EFCAB6: variants seen among roughly 807,000 people sequenced by gnomAD.
The protein encoded by EFCAB6 is EF-hand calcium binding domain 6.
Under a neutral mutation model 169.8 loss-of-function variants are expected in EFCAB6, and 156 were observed. The observed-to-expected ratio is 0.92, with a 90% CI of 0.81 to 1.05. The LOEUF is 1.05. EFCAB6 is among the 50% of genes least tolerant of loss of function. The pLI is 0.00. For missense variants in EFCAB6, 1,800 were observed against 1,829.1 expected (o/e 0.98, Z 0.29); for synonymous variants, 698 against 676.4 (o/e 1.03, Z -0.50).
intron 13 of EFCAB6, 131 bp downstream of exon 13, chr22:43,677,865 A>T: frequency 1.1e-6 from 1 of 932,060 alleles, no homozygotes; most frequent in Non-Finnish European, 1.6e-6. Context: ...ACCCTCACTT[A>T]AAATGATTGA....
At chr22:43,640,195 C>A (rs1352335428) in intron 17 of EFCAB6, among the ~76,000 whole-genome samples, 1 of 152,098 alleles carries the variant, frequency 6.6e-6, no homozygotes, top group Admixed American at 6.6e-5. Flanking sequence ...GGGGTTATAT[C>A]CTGGACATTG....
At chr22:43,647,372 T>G (rs1464628939) in intron 17 of EFCAB6, among the ~76,000 whole-genome samples, 1 of 152,198 alleles carries the variant, frequency 6.6e-6, no homozygotes, top group Non-Finnish European at 1.5e-5. Context: ...AATATATTTG[T>G]ATTGAAGAAG....
chr22:43,662,773 C>A (rs2057068815), intron 17 of EFCAB6, among the ~76,000 whole-genome samples: 1 of 152,216 alleles, frequency 6.6e-6, no homozygotes, highest in Non-Finnish European at 1.5e-5. Flanking sequence ...ACCCACCAAG[C>A]CAGAATTACT....
At chr22:43,696,209 A>G (rs2058570565) in intron 10 of EFCAB6, among the ~76,000 whole-genome samples, 1 of 152,150 alleles carries the variant, frequency 6.6e-6, no homozygotes, top group Non-Finnish European at 1.5e-5. Flanking sequence ...AAGAGGATCA[A>G]TATCATTTCA....
At chr22:43,683,252 G>A (rs569680213) in intron 12 of EFCAB6, among the ~76,000 whole-genome samples, 10 of 152,320 alleles carry the variant, frequency 6.6e-5, no homozygotes, top group African/African-American at 2.4e-4. Flanking sequence ...AGCTAATGGT[G>A]AATGTGAGAA....
intron 17 of EFCAB6, among the ~76,000 whole-genome samples, chr22:43,651,441 C>A (rs2056462049): frequency 6.6e-6 from 1 of 152,252 alleles, no homozygotes; most frequent in Non-Finnish European, 1.5e-5. Flanking sequence ...ACGGAAACGC[C>A]TGGATGTCTA....
intron 25 of EFCAB6, 36 bp downstream of exon 25, chr22:43,580,428 G>A: frequency 6.2e-7 from 1 of 1,604,788 alleles, no homozygotes; most frequent in Non-Finnish European, 8.5e-7. Flanking sequence ...GAATCAAGAT[G>A]AGTTTTCACA....
intron 2 of EFCAB6, among the ~76,000 whole-genome samples, chr22:43,791,158 G>A (rs369656857): frequency 4.6e-5 from 7 of 152,122 alleles, no homozygotes; most frequent in South Asian, 2.1e-4. Context: ...CAGATTGCTC[G>A]AGCTCAAGAG....
intron 27 of EFCAB6, among the ~76,000 whole-genome samples, chr22:43,540,798 G>A (rs1261545259): frequency 6.6e-6 from 1 of 152,254 alleles, no homozygotes; most frequent in African/African-American, 2.4e-5. Flanking sequence ...ACCAGGTGAC[G>A]CAGCCCTCAG....
intron 2 of EFCAB6, among the ~76,000 whole-genome samples, chr22:43,799,839 C>T (rs371415537): frequency 5.3e-5 from 8 of 152,264 alleles, no homozygotes; most frequent in Admixed American, 6.5e-5. Context: ...ACATCCACAA[C>T]GCCCCTCCCC....
At chr22:43,576,127 C>T (rs888098929) in intron 26 of EFCAB6, among the ~76,000 whole-genome samples, 170 bp downstream of exon 26, 1 of 152,112 alleles carries the variant, frequency 6.6e-6, no homozygotes, top group Admixed American at 6.6e-5. Context: ...GATGCATATT[C>T]ACCTTCTAAT....
At chr22:43,754,922 A>G (rs1487105061) in intron 6 of EFCAB6, among the ~76,000 whole-genome samples, 1 of 152,236 alleles carries the variant, frequency 6.6e-6, no homozygotes, top group African/African-American at 2.4e-5. Context: ...TGGGTTCTGA[A>G]TAATATCAAC....
At chr22:43,673,533 T>C (rs2057587106) in intron 13 of EFCAB6, among the ~76,000 whole-genome samples, 1 of 152,188 alleles carries the variant, frequency 6.6e-6, no homozygotes, top group Admixed American at 6.5e-5. Flanking sequence ...CCCAACACTT[T>C]GGGAGGCCAA....
intron 17 of EFCAB6, among the ~76,000 whole-genome samples, chr22:43,662,694 C>T (rs1233612366): frequency 6.6e-6 from 1 of 152,176 alleles, no homozygotes; most frequent in Non-Finnish European, 1.5e-5. Flanking sequence ...TAATGTCCTT[C>T]TCACTAAACT....
intron 19 of EFCAB6, 32 bp downstream of exon 19, chr22:43,632,073 G>A: frequency 6.2e-7 from 1 of 1,609,710 alleles, no homozygotes; most frequent in Non-Finnish European, 8.5e-7. Context: ...GGGAGGCCTA[G>A]AGAAGCCCAG....
rs2060484947 is a variant in EFCAB6 at position 43,744,286 on chromosome 22, G to T, written c.508-8293C>A. ...GATGGATGAGTGGGTGGGTAGGTGGGGAGATTGCAAGCCAAGACAATCCTT... is the reference window on the plus strand; with the variant it reads ...GATGGATGAGTGGGTGGGTAGGTGGTGAGATTGCAAGCCAAGACAATCCTT... On this transcript the variant is annotated intron_variant, in intron 6 of 31. Transcript: ENST00000262726. The surrounding 1 kb of genome is among the most constrained non-coding windows in gnomAD (Gnocchi z 4.3). 6.6e-6 allele frequency among the ~76,000 whole-genome samples: 1 copy of T among 152,012 alleles called. No homozygotes were observed. The highest frequency in any genetic ancestry group is 2.4e-5 in the African/African-American group (1 of 41,382).
At chr22:43,735,359 C>T (rs2060095178) in intron 7 of EFCAB6, among the ~76,000 whole-genome samples, 1 of 146,754 alleles carries the variant, frequency 6.8e-6, no homozygotes, top group Non-Finnish European at 1.5e-5. Context: ...CCGCACACCC[C>T]TCCACCTCAG....
At chr22:43,623,463 A>C (rs528009889) in intron 20 of EFCAB6, among the ~76,000 whole-genome samples, 1 of 152,326 alleles carries the variant, frequency 6.6e-6, no homozygotes, top group African/African-American at 2.4e-5. Flanking sequence ...TTATGAAGCA[A>C]ACAAGAGAGT....
At position 43,748,717 on chromosome 22, in the gene EFCAB6, A is replaced by C. The variant is rs370690321; in HGVS notation, c.507+7049T>G. On this transcript the variant is annotated intron_variant, in intron 6 of 31. Transcript: ENST00000262726. The stretch of plus-strand genomic sequence containing the variant: ...AGGTGCCTGCTCCCACAGAACACAG[A>C]TCCCAGTCACAAACAAGCAAACAAA... Among the ~76,000 whole-genome samples, 642 of 152,332 alleles carry C rather than the reference A, an allele frequency of 4.2e-3. 2 individuals are homozygous for C. Among genetic ancestry groups the C allele is most frequent in the Middle Eastern group, 0.027 (8 of 294 alleles).
Sources: gnomAD v4.1 joint callset for allele counts (sites outside exome capture counted in the v4.1 genomes callset) on GRCh38, gnomAD v4.1.1 for gene constraint, Gnocchi (gnomAD v3.1) non-coding constraint, MANE v1.5 for transcripts, NCBI Gene and HGNC (gene_info 2026-07-23, HGNC 2026-07-21) for gene names.